CDH12: variants seen among roughly 807,000 people sequenced by gnomAD.
CDH12 encodes the protein cadherin 12, also known as cadherin-12.
A neutral mutation model predicts 74.1 loss-of-function variants in CDH12; 41 were observed. That is an observed-to-expected ratio of 0.55 (90% CI 0.43 to 0.72). The LOEUF (loss-of-function observed/expected upper bound fraction) is 0.72. Ranked by LOEUF, CDH12 falls within the 30% of genes least tolerant of loss-of-function variation. The pLI is 0.00. For missense variants in CDH12, 945 were observed against 977.2 expected, an observed-to-expected ratio of 0.97 and a Z score of 0.44; for synonymous variants, 399 against 355.0, an observed-to-expected ratio of 1.12 and a Z score of -1.39.
At chr5:22,574,354 C>T (rs913272389) in intron 1 of CDH12, among the ~76,000 whole-genome samples, 8 of 151,910 alleles carry the variant, frequency 5.3e-5, no homozygotes, top group Non-Finnish European at 1.2e-4. Flanking sequence ...AATTCATCAC[C>T]GTCTTCAATT....
chr5:22,587,189 T>A (rs978472437), intron 1 of CDH12, among the ~76,000 whole-genome samples: 2 of 151,966 alleles, frequency 1.3e-5, no homozygotes, highest in African/African-American at 4.8e-5. Context: ...TTCTCATGAA[T>A]GGATTAATGC....
At chr5:22,298,376 T>C (rs1737719002) in intron 3 of CDH12, among the ~76,000 whole-genome samples, 1 of 151,974 alleles carries the variant, frequency 6.6e-6, no homozygotes, top group Non-Finnish European at 1.5e-5. Flanking sequence ...TTTAAATAAA[T>C]CCTATTCATT....
intron 1 of CDH12, among the ~76,000 whole-genome samples, chr5:22,837,456 A>C (rs1456463482): frequency 6.6e-6 from 1 of 152,122 alleles, no homozygotes. Context: ...ACATAAAGAA[A>C]AAATCGTATA....
In CDH12 at chr5:21,751,628, GTGTT is replaced by G. The variant is rs3220173; in HGVS notation, c.*105_*108del. ...TCCCAGAGTGTGTGTGTGTGTGTGT[GTGTT>G]TGTGTGTGTGTGTGTGTGTGAGAGA... On this transcript the variant is annotated 3_prime_UTR_variant, in exon 15 of 15. Transcript: ENST00000382254. The G allele has an allele frequency of 2.2e-5, 15 of 684,566 alleles. No individual in the cohort carries two copies. Among genetic ancestry groups the G allele is most frequent in the East Asian group, 6.2e-5 (2 of 32,472 alleles). The allele number at this position is 684,566 out of a possible 1,614,324, so 42.4% of individuals were successfully genotyped here.
intron 4 of CDH12, among the ~76,000 whole-genome samples, chr5:22,153,159 CTTTTCTTTTCGTTT>C (rs1747716732): frequency 6.9e-6 from 1 of 144,634 alleles, no homozygotes; most frequent in African/African-American, 2.5e-5. Flanking sequence ...TACGATAGTT[CTTTTCTTTTCGTTT>C]TTTTCTTTTC....
intron 3 of CDH12, among the ~76,000 whole-genome samples, chr5:22,323,407 G>C (rs944632871): frequency 1.3e-5 from 2 of 151,972 alleles, no homozygotes; most frequent in South Asian, 4.1e-4. Context: ...CATTGGAGAA[G>C]GATTACTTTT....
intron 6 of CDH12, among the ~76,000 whole-genome samples, chr5:21,953,620 T>G (rs1251141619): frequency 1.3e-5 from 2 of 152,192 alleles, no homozygotes; most frequent in Non-Finnish European, 2.9e-5. Context: ...AATTCTCCAC[T>G]CTTTGTTTCC....
intron 3 of CDH12, among the ~76,000 whole-genome samples, chr5:22,363,881 G>A (rs1039535245): frequency 6.6e-6 from 1 of 152,144 alleles, no homozygotes; most frequent in Admixed American, 6.5e-5. Flanking sequence ...CTAGACCAAA[G>A]GAACAGATTT....
chr5:22,710,688 C>T (rs1743241894), intron 1 of CDH12, among the ~76,000 whole-genome samples: 1 of 152,094 alleles, frequency 6.6e-6, no homozygotes, highest in African/African-American at 2.4e-5. Context: ...TGCAGTCTCC[C>T]ATCCCAGAAT....
chr5:22,495,790 C>T lies in CDH12; in HGVS notation c.-428+9480G>A, dbSNP rs181845684. ...GAGAAGAAATATTAACTGAGTATGACGCCCTTAATAATTGCAATGTGAGTT... is the reference window on the plus strand; with the variant it reads ...GAGAAGAAATATTAACTGAGTATGATGCCCTTAATAATTGCAATGTGAGTT... On this transcript the variant is annotated intron_variant, in intron 2 of 14. Transcript: ENST00000382254. Among the ~76,000 whole-genome samples the T allele has an allele frequency of 2.2e-3, 338 of 152,186 alleles. 5 individuals carry two copies. In the South Asian group the frequency reaches 0.04, roughly 18 times the overall value.
At chr5:22,745,873 T>A (rs1328737113) in intron 1 of CDH12, among the ~76,000 whole-genome samples, 1 of 152,152 alleles carries the variant, frequency 6.6e-6, no homozygotes, top group Non-Finnish European at 1.5e-5. Context: ...GACACATGTT[T>A]ATCTATGTAA....
chr5:22,250,579 T>C (rs1187553542), intron 3 of CDH12, among the ~76,000 whole-genome samples: 1 of 152,210 alleles, frequency 6.6e-6, no homozygotes, highest in African/African-American at 2.4e-5. Context: ...AAATTAGACC[T>C]CATCTCTCAG....
intron 3 of CDH12, among the ~76,000 whole-genome samples, chr5:22,379,520 T>A (rs1209180611): frequency 6.6e-6 from 1 of 152,136 alleles, no homozygotes; most frequent in Non-Finnish European, 1.5e-5. Context: ...AATAATGATA[T>A]CTGTGAAATA....
intron 2 of CDH12, among the ~76,000 whole-genome samples, chr5:22,415,206 A>G (rs1743331057): frequency 6.7e-6 from 1 of 149,090 alleles, no homozygotes; most frequent in Non-Finnish European, 1.5e-5. Context: ...AAGAAATAAT[A>G]AAGGGGAAAA....
intron 3 of CDH12, among the ~76,000 whole-genome samples, chr5:22,327,881 A>T (rs1020854987): frequency 1.3e-5 from 2 of 152,216 alleles, no homozygotes; most frequent in Admixed American, 6.5e-5. Flanking sequence ...AATTTGATAA[A>T]TAGATTCCAA....
chr5:22,459,443 A>G (rs1237632347), intron 2 of CDH12, among the ~76,000 whole-genome samples: 2 of 152,196 alleles, frequency 1.3e-5, no homozygotes, highest in African/African-American at 4.8e-5. Flanking sequence ...ATGCAATAAT[A>G]TATCATCCAG....
chr5:22,526,803 G>A lies in CDH12; in HGVS notation c.-522-21439C>T, dbSNP rs186064093. On this transcript the variant is annotated intron_variant, in intron 1 of 14. Coordinates refer to ENST00000382254, the MANE Select transcript of CDH12 (RefSeq NM_004061.5). Reference sequence around the variant, plus strand: ...TAGCTTACAATTTTCCTAGGTAGAAGCAGTTCTGGTGGCTTCCAATTGGCC... The same window carrying A: ...TAGCTTACAATTTTCCTAGGTAGAAACAGTTCTGGTGGCTTCCAATTGGCC... 4.9e-3 allele frequency among the ~76,000 whole-genome samples: 750 copies of A among 152,264 alleles called. 10 individuals carry two copies. The highest frequency in any genetic ancestry group is 0.017 in the African/African-American group (714 of 41,538).
intron 4 of CDH12, among the ~76,000 whole-genome samples, chr5:22,146,462 A>C (rs1414243831): frequency 1.3e-5 from 2 of 152,132 alleles, no homozygotes; most frequent in African/African-American, 4.8e-5. Flanking sequence ...AAAATGAATA[A>C]ATGTTTTGTA....
intron 8 of CDH12, among the ~76,000 whole-genome samples, chr5:21,820,937 CCA>C (rs1472936922): frequency 1.3e-5 from 2 of 151,894 alleles, no homozygotes; most frequent in Non-Finnish European, 2.9e-5. Context: ...AAGAGATTGT[CCA>C]CAGTCAATAA....
Sources: allele counts gnomAD v4.1 joint callset (sites outside exome capture counted in the v4.1 genomes callset), GRCh38; gene constraint gnomAD v4.1.1; transcripts MANE v1.5; gene names NCBI Gene and HGNC (gene_info 2026-07-23, HGNC 2026-07-21).